The following AFF3 variants were observed in gnomAD, a reference collection of about 807,000 sequenced individuals.
The protein encoded by AFF3 is ALF transcription elongation factor 3.
AFF3 carries 32 observed loss-of-function variants against 129.7 expected under a neutral mutation model. The observed-to-expected ratio is 0.25, with a 90% confidence interval of 0.19 to 0.33. AFF3 has a LOEUF of 0.33. Ranked by LOEUF, AFF3 falls within the 10% of genes least tolerant of loss-of-function variation. The pLI is 1.00. For synonymous variants in AFF3, 644 were observed against 635.4 expected (o/e 1.01, Z -0.20); for missense variants, 1,373 against 1,592.0 (o/e 0.86, Z 2.34).
chr2:99,835,553 C>T (rs1372814745), intron 8 of AFF3, among the ~76,000 whole-genome samples: 1 of 96,074 alleles, frequency 1.0e-5, no homozygotes, highest in Non-Finnish European at 2.6e-5. Flanking sequence ...TAGGAGCTCC[C>T]CAAATACCAA....
At chr2:100,116,294 AG>A (rs1691732538) in intron 2 of AFF3, among the ~76,000 whole-genome samples, 1 of 151,718 alleles carries the variant, frequency 6.6e-6, no homozygotes, top group Non-Finnish European at 1.5e-5. Context: ...TTTTTAACTC[AG>A]CCTGACAAAC....
intron 8 of AFF3, among the ~76,000 whole-genome samples, chr2:99,825,188 G>C (rs1038531739): frequency 2.0e-5 from 3 of 152,100 alleles, no homozygotes; most frequent in Admixed American, 2.0e-4. Context: ...AGGTTTCTGA[G>C]GTTTTTTAGG....
chr2:99,566,712 C>CT (rs1214479591), intron 19 of AFF3, among the ~76,000 whole-genome samples: 2 of 152,218 alleles, frequency 1.3e-5, no homozygotes, highest in Non-Finnish European at 2.9e-5. Context: ...CCTTACTACT[C>CT]TTTGTAGGTA....
intron 12 of AFF3, among the ~76,000 whole-genome samples, chr2:99,649,880 A>G (rs1218869856): frequency 6.6e-6 from 1 of 152,190 alleles, no homozygotes; most frequent in African/African-American, 2.4e-5. Flanking sequence ...GAAGCCCGGC[A>G]ATGCACACCT....
chr2:100,124,507 T>C (rs916097137), intron 2 of AFF3, among the ~76,000 whole-genome samples: 2 of 152,184 alleles, frequency 1.3e-5, no homozygotes, highest in African/African-American at 4.8e-5. Context: ...TAAAGGGTAT[T>C]ATAGACATAT....
chr2:99,843,661 C>T (rs1055875952), intron 7 of AFF3, among the ~76,000 whole-genome samples: 1 of 152,140 alleles, frequency 6.6e-6, no homozygotes, highest in African/African-American at 2.4e-5. Flanking sequence ...TATCAGCTTA[C>T]AGAGTGTTTA....
chr2:99,830,676 A>T (rs1010257815), intron 8 of AFF3, among the ~76,000 whole-genome samples: 1 of 152,170 alleles, frequency 6.6e-6, no homozygotes, highest in Admixed American at 6.5e-5. Context: ...GCTTGAACCA[A>T]GGAGGCCGAG....
intron 4 of AFF3, among the ~76,000 whole-genome samples, chr2:100,032,428 C>CA (rs568319925): frequency 0.4 from 57,154 of 144,156 alleles, 11,145 homozygotes; most frequent in Middle Eastern, 0.47. Flanking sequence ...GACTCTGTCT[C>CA]AAAAAAAAAA....
At chr2:99,646,358 A>C (rs796330858) in intron 13 of AFF3, among the ~76,000 whole-genome samples, 2 of 152,358 alleles carry the variant, frequency 1.3e-5, no homozygotes, top group African/African-American at 4.8e-5. Context: ...GGCCAGAGCC[A>C]GTACGGGCTT....
intron 8 of AFF3, among the ~76,000 whole-genome samples, chr2:99,818,526 C>T (rs1007097489): frequency 2.0e-5 from 3 of 152,172 alleles, no homozygotes; most frequent in African/African-American, 7.2e-5. Flanking sequence ...ATCTCTTTGG[C>T]AACTCCCACT....
intron 7 of AFF3, among the ~76,000 whole-genome samples, chr2:99,874,727 T>A (rs1286736141): frequency 6.6e-6 from 1 of 152,100 alleles, no homozygotes; most frequent in Non-Finnish European, 1.5e-5. Flanking sequence ...ACTGGTGAAA[T>A]GTGAATATAT....
In AFF3 at chr2:99,642,820, C is replaced by T. The variant is rs966242101; in HGVS notation, c.1184+6806G>A. Among the ~76,000 whole-genome samples, 20 of 152,168 alleles carry T rather than the reference C, an allele frequency of 1.3e-4. No individual in the cohort carries two copies. The South Asian group carries it at 3.5e-3, about 27-fold the overall frequency. Reference sequence around the variant, plus strand: ...CCCTGGGTGAGTTGCATCACCTGTTCGCGGCTCAGTTTTCTCATCTGTAAA... The same window carrying T: ...CCCTGGGTGAGTTGCATCACCTGTTTGCGGCTCAGTTTTCTCATCTGTAAA... On this transcript the variant is annotated intron_variant, in intron 13 of 24. Transcript: ENST00000672756.
At chr2:100,136,495 G>C (rs1197553932) in intron 1 of AFF3, among the ~76,000 whole-genome samples, 2 of 152,198 alleles carry the variant, frequency 1.3e-5, no homozygotes, top group African/African-American at 4.8e-5. Context: ...TTCTCACTAT[G>C]ACTGTCCTCA....
intron 13 of AFF3, among the ~76,000 whole-genome samples, chr2:99,604,018 C>A (rs1376287273): frequency 6.6e-6 from 1 of 152,096 alleles, no homozygotes; most frequent in Non-Finnish European, 1.5e-5. Context: ...CCCTTATACA[C>A]TGGTAGAAGT....
chr2:99,871,191 A>G (rs1010581639), intron 7 of AFF3, among the ~76,000 whole-genome samples: 1 of 152,218 alleles, frequency 6.6e-6, no homozygotes, highest in Non-Finnish European at 1.5e-5. Flanking sequence ...TAGACTCAGG[A>G]ACCATCCCCA....
intron 1 of AFF3, 54 bp from the exon 2 acceptor site, chr2:100,129,360 C>G (rs1234221036): frequency 6.8e-6 from 1 of 146,080 alleles, no homozygotes; most frequent in African/African-American, 2.5e-5. Context: ...TTAGTAGTTT[C>G]CCTGGCAAAT....
chr2:99,684,693 C>T (rs1411366469), intron 11 of AFF3, among the ~76,000 whole-genome samples: 2 of 151,168 alleles, frequency 1.3e-5, no homozygotes, highest in African/African-American at 4.9e-5. Context: ...CTCACTGTAG[C>T]CTCAACCTCC....
intron 7 of AFF3, among the ~76,000 whole-genome samples, chr2:99,943,896 C>T (rs1317012181): frequency 6.6e-6 from 1 of 150,926 alleles, no homozygotes; most frequent in African/African-American, 2.5e-5. Context: ...TAATTTTTTC[C>T]ACTGAAGTCT....
At chr2:99,655,394 T>C (rs557486033) in intron 12 of AFF3, among the ~76,000 whole-genome samples, 60 of 152,046 alleles carry the variant, frequency 3.9e-4, no homozygotes, top group African/African-American at 1.3e-3. Context: ...AGCTGAGGCT[T>C]AAAGGATAAA....
Sources: allele counts gnomAD v4.1 joint callset (sites outside exome capture counted in the v4.1 genomes callset), GRCh38; gene constraint gnomAD v4.1.1; transcripts MANE v1.5; gene names NCBI Gene and HGNC (gene_info 2026-07-23, HGNC 2026-07-21).